The following ZNF274 variants were observed in gnomAD, a reference collection of about 807,000 sequenced individuals.
The protein encoded by ZNF274 is neurotrophin receptor-interacting factor homolog.
Under a neutral mutation model 42.5 loss-of-function variants are expected in ZNF274, and 23 were observed. The observed-to-expected ratio is 0.54, with a 90% CI of 0.39 to 0.77. ZNF274 has a LOEUF of 0.77. Ranked by LOEUF, ZNF274 falls within the 30% of genes least tolerant of loss-of-function variation. The pLI, the probability that ZNF274 is intolerant of heterozygous loss-of-function variation, is 0.00. For missense variants in ZNF274, 679 were observed against 806.5 expected, an observed-to-expected ratio of 0.84 and a Z score of 1.91; for synonymous variants, 292 against 305.4, an observed-to-expected ratio of 0.96 and a Z score of 0.46.
intron 4 of ZNF274, among the ~76,000 whole-genome samples, chr19:58,198,340 T>C (rs1249618471): frequency 6.6e-6 from 1 of 152,230 alleles, no homozygotes; most frequent in African/African-American, 2.4e-5. Flanking sequence ...AACCTCTTTA[T>C]GTATTGATTT....
At chr19:58,201,049 G>A (rs1380871805) in intron 4 of ZNF274, among the ~76,000 whole-genome samples, 1 of 151,782 alleles carries the variant, frequency 6.6e-6, no homozygotes, top group African/African-American at 2.4e-5. Context: ...CTCTCACCTA[G>A]GCGGTAGTAC....
In ZNF274 at chr19:58,212,993, C is replaced by T. The variant is rs768394470; in HGVS notation, c.1812C>T (p.Ser604=). Reference sequence around the variant, plus strand: ...GTGGAAAAGCCTTCCGCCAGAGCTCCCACCTCATCAGACATCAGAGGACTC... The same window carrying T: ...GTGGAAAAGCCTTCCGCCAGAGCTCTCACCTCATCAGACATCAGAGGACTC... ...QDCGKAFRQS[S]HLIRHQRTHT... The change falls in exon 8 of 8, where the codon TCC becomes TCT. Residue 604 remains serine, a synonymous_variant. Coordinates refer to ENST00000617501, the MANE Select transcript of ZNF274 (RefSeq NM_133502.3). This position sits in a 1 kb window ranked among gnomAD's most constrained non-coding sequence, Gnocchi z 4.6. The T allele has an allele frequency of 1.4e-5, 23 of 1,613,914 alleles. No homozygotes were observed. The highest frequency in any genetic ancestry group is 5.0e-5 in the Admixed American group (3 of 60,018).
At chr19:58,197,671 A>G (rs1161486357) in intron 4 of ZNF274, among the ~76,000 whole-genome samples, 1 of 152,226 alleles carries the variant, frequency 6.6e-6, no homozygotes, top group African/African-American at 2.4e-5. Flanking sequence ...AAGACTGAAT[A>G]CAAGGCCAGG....
chr19:58,210,040 T>C lies in ZNF274; in HGVS notation c.819T>C (p.Asp273=), dbSNP rs2076022770. The C allele has an allele frequency of 1.2e-6, 2 of 1,613,776 alleles. No individual in the cohort carries two copies. The highest frequency in any genetic ancestry group is 1.7e-5 in the Admixed American group (1 of 60,010). The change falls in exon 6 of 8, where the codon GAT becomes GAC. Residue 273 remains aspartate (D), a synonymous_variant. Coordinates refer to ENST00000617501, the MANE Select transcript of ZNF274 (RefSeq NM_133502.3). ...VTAQQEEKQE[D]AAICPVTVLP... Reference sequence around the variant, plus strand: ...CCCAGCAGGAGGAGAAGCAGGAGGATGCAGCCATCTGCCCAGTGACAGTGC... The same window carrying C: ...CCCAGCAGGAGGAGAAGCAGGAGGACGCAGCCATCTGCCCAGTGACAGTGC...
rs1377152569 is a variant in ZNF274 at position 58,211,996 on chromosome 19, C to A, written c.980-165C>A. ...CCTTGTTCACCAAGGTCAGTGCTCC[C>A]CTCCCTGCCGCTTCATTGCTTTTCA... is the stretch of plus-strand genomic sequence containing the variant. On this transcript the variant is annotated intron_variant, in intron 7 of 7. Transcript: ENST00000617501. The surrounding 1 kb of genome is among the most constrained non-coding windows in gnomAD (Gnocchi z 4.8). Among the ~76,000 whole-genome samples the A allele has an allele frequency of 4.6e-5, 7 of 152,174 alleles. No homozygotes were observed. The South Asian group carries it at 1.2e-3, about 27-fold the overall frequency.
intron 4 of ZNF274, among the ~76,000 whole-genome samples, chr19:58,195,693 G>A (rs1187285583): frequency 1.3e-5 from 2 of 152,144 alleles, no homozygotes; most frequent in Admixed American, 6.5e-5. Flanking sequence ...CCGGTTTTGT[G>A]GAAGACAGTT....
At chr19:58,209,799 GGGAGCAGAGCTGGTGGGAAGGGAGGACA>G in intron 5 of ZNF274, 134 bp from the exon 6 acceptor site, 2 of 564,694 alleles carry the variant, frequency 3.5e-6, no homozygotes, top group Non-Finnish European at 6.4e-6. Flanking sequence ...GTGCTGTGAG[GGGAGCAGAGCTGGTGGGAAGGGAGGACA>G]GGAGCAGAGG....
At chr19:58,186,893 C>T in intron 3 of ZNF274, 54 bp from the exon 4 acceptor site, 1 of 1,495,226 alleles carries the variant, frequency 6.7e-7, no homozygotes, top group Non-Finnish European at 9.2e-7. Context: ...AGTAGGATAG[C>T]ATTTTCTCCT....
chr19:58,199,751 C>T (rs1349040912), intron 4 of ZNF274, among the ~76,000 whole-genome samples: 1 of 152,182 alleles, frequency 6.6e-6, no homozygotes, highest in Non-Finnish European at 1.5e-5. Flanking sequence ...CCAGGAATAT[C>T]AAATTTGACA....
intron 4 of ZNF274, among the ~76,000 whole-genome samples, chr19:58,191,979 A>G (rs551209334): frequency 7.9e-5 from 12 of 152,234 alleles, no homozygotes; most frequent in Non-Finnish European, 1.3e-4. Flanking sequence ...TGATAAATGT[A>G]CTGAGAAGGA....
At chr19:58,204,308 C>T (rs1165663618) in intron 4 of ZNF274, among the ~76,000 whole-genome samples, 1 of 151,978 alleles carries the variant, frequency 6.6e-6, no homozygotes, top group Non-Finnish European at 1.5e-5. Context: ...AGCTGTAGGC[C>T]CCGCGGGTGT....
chr19:58,196,769 T>G (rs1426238511), intron 4 of ZNF274, among the ~76,000 whole-genome samples: 2 of 152,208 alleles, frequency 1.3e-5, no homozygotes, highest in Non-Finnish European at 2.9e-5. Context: ...GGAGTAAATG[T>G]GTTTAGTTTG....
intron 4 of ZNF274, among the ~76,000 whole-genome samples, chr19:58,203,863 G>C (rs1381633091): frequency 6.6e-6 from 1 of 152,198 alleles, no homozygotes; most frequent in African/African-American, 2.4e-5. Context: ...GCGTAGACTG[G>C]TAATGGTCGA....
intron 4 of ZNF274, among the ~76,000 whole-genome samples, chr19:58,198,530 C>T (rs1225202155): frequency 2.0e-5 from 3 of 152,122 alleles, no homozygotes; most frequent in African/African-American, 7.2e-5. Context: ...AACACACAAA[C>T]ATGGTTGTGT....
At chr19:58,198,502 AATAC>A (rs1402900486) in intron 4 of ZNF274, among the ~76,000 whole-genome samples, 2 of 152,210 alleles carry the variant, frequency 1.3e-5, no homozygotes, top group African/African-American at 2.4e-5. Context: ...AAAATAACAA[AATAC>A]ATAGTCAAGT....
At chr19:58,186,817 G>A (rs553485135) in intron 3 of ZNF274, 130 bp from the exon 4 acceptor site, 1 of 725,506 alleles carries the variant, frequency 1.4e-6, no homozygotes, top group Admixed American at 2.5e-5. Flanking sequence ...ATGGAGTTGT[G>A]TTCACTGCTC....
chr19:58,199,916 C>T (rs1421314377), intron 4 of ZNF274, among the ~76,000 whole-genome samples: 1 of 152,202 alleles, frequency 6.6e-6, no homozygotes, highest in South Asian at 2.1e-4. Context: ...CTTAAAAAGG[C>T]TAGAAGTACT....
At position 58,210,091 on chromosome 19, in the gene ZNF274, C is replaced by T. The variant is rs753271921; in HGVS notation, c.852+18C>T. ...TCCCTGAGGTAAGCGGGGAGTATCA[C>T]CCTGTTTTGGTCACAGCATCTCCTG... On this transcript the variant is annotated intron_variant, in intron 6 of 7. Coordinates refer to ENST00000617501, the MANE Select transcript of ZNF274 (RefSeq NM_133502.3). The T allele has an allele frequency of 6.2e-7, 1 of 1,607,288 alleles. No homozygotes were observed. Among genetic ancestry groups the T allele is most frequent in the Non-Finnish European group, 8.5e-7 (1 of 1,174,756 alleles).
intron 4 of ZNF274, among the ~76,000 whole-genome samples, chr19:58,205,127 G>A (rs1329623762): frequency 6.6e-6 from 1 of 152,022 alleles, no homozygotes; most frequent in Non-Finnish European, 1.5e-5. Context: ...CTTCATCTCC[G>A]AATAGCTCCA....
Sources: allele counts gnomAD v4.1 joint callset (sites outside exome capture counted in the v4.1 genomes callset), GRCh38; gene constraint gnomAD v4.1.1; non-coding constraint Gnocchi (gnomAD v3.1); transcripts MANE v1.5; gene names NCBI Gene and HGNC (gene_info 2026-07-23, HGNC 2026-07-21).